EPB41L4A: variants seen among roughly 807,000 people sequenced by gnomAD.
EPB41L4A encodes erythrocyte membrane protein band 4.1 like 4A, also known as band 4.1-like protein 4A.
In EPB41L4A, 100 loss-of-function variants were observed where a neutral mutation model predicts 108.6. The ratio of observed to expected loss-of-function variants is 0.92; its 90% confidence interval spans 0.78 to 1.09. The LOEUF (loss-of-function observed/expected upper bound fraction) is 1.09, where lower values mean the gene tolerates loss of function less well. EPB41L4A is among the 50% of genes least tolerant of loss of function. The pLI is 0.00. For synonymous variants in EPB41L4A, 319 were observed against 289.0 expected (o/e 1.10, Z -1.05); for missense variants, 1,030 against 842.7 (o/e 1.22, Z -2.75).
intron 12 of EPB41L4A, among the ~76,000 whole-genome samples, chr5:112,149,259 T>C (rs1759375952): frequency 6.6e-6 from 1 of 152,146 alleles, no homozygotes; most frequent in Non-Finnish European, 1.5e-5. Context: ...GGAGGATCAT[T>C]TGAGGTCAGG....
chr5:112,301,926 TAAC>T (rs1488414138), intron 2 of EPB41L4A, among the ~76,000 whole-genome samples: 7 of 152,006 alleles, frequency 4.6e-5, no homozygotes, highest in African/African-American at 1.7e-4. Context: ...AAAAATATAA[TAAC>T]ATTTTAGGGA....
At chr5:112,280,192 C>G in intron 3 of EPB41L4A, 80 bp downstream of exon 3, 1 of 1,234,838 alleles carries the variant, frequency 8.1e-7, no homozygotes, top group Non-Finnish European at 1.2e-6. Context: ...GTACTAAAGC[C>G]CACTTCTGCA....
intron 1 of EPB41L4A, among the ~76,000 whole-genome samples, chr5:112,372,475 G>T (rs150299919): frequency 6.6e-6 from 1 of 152,304 alleles, no homozygotes; most frequent in Admixed American, 6.5e-5. Context: ...TGTTACGGAA[G>T]GCTCTGTCTG....
chr5:112,192,355 T>C (rs886756789), intron 17 of EPB41L4A: 1 of 152,212 alleles, frequency 6.6e-6, no homozygotes, highest in Non-Finnish European at 1.5e-5. Flanking sequence ...GCCCACTTTT[T>C]GCTATGCTAC....
At chr5:112,180,183 A>G (rs75395745) in intron 18 of EPB41L4A, among the ~76,000 whole-genome samples, 8,190 of 152,292 alleles carry the variant, frequency 0.054, 257 homozygotes, top group East Asian at 0.096. Context: ...CCTAGTCAAA[A>G]GTCTTTGGGG....
rs759243348 is a variant in EPB41L4A, at chr5:112,165,008, G to A, written c.2043C>T (p.Arg681=). The change falls in exon 23 of 23, where the codon CGC becomes CGT. Residue 681 remains arginine, a synonymous_variant. Transcript: ENST00000261486. The part of the protein sequence containing the change: ...AKTIKTIQAS[R]LKTET Reference sequence around the variant, plus strand: ...ATCAGGATCAAGTCTCTGTCTTGAGGCGGGAAGCTTGTATAGTTTTTATTG... The same window carrying A: ...ATCAGGATCAAGTCTCTGTCTTGAGACGGGAAGCTTGTATAGTTTTTATTG... 1.9e-6 allele frequency: 3 copies of A among 1,613,774 alleles called. No individual in the cohort carries two copies. In the East Asian group the frequency reaches 6.7e-5, roughly 36 times the overall value.
intron 12 of EPB41L4A, among the ~76,000 whole-genome samples, chr5:112,229,683 C>T (rs1054079280): frequency 2.6e-4 from 39 of 152,108 alleles, no homozygotes; most frequent in African/African-American, 8.7e-4. Context: ...TCCTGAGTTA[C>T]TTCACTTAGA....
chr5:112,307,401 G>C lies in EPB41L4A; in HGVS notation c.189C>G (p.Asp63Glu). The change falls in exon 2 of 23, where the codon GAC (aspartate) becomes GAG (glutamate). Residue 63 changes from aspartate (D) to glutamate (E), a missense_variant. Coordinates refer to ENST00000261486, the MANE Select transcript of EPB41L4A (RefSeq NM_022140.5). The part of the protein sequence containing the change: ...EIDYFGLRYC[D>E]RSHQTYWLDP... ...CCTTACTCACCGTCTGATGGCTTCTGTCACAGTAACGTAGCCCAAAATAAT... is the reference window on the plus strand; with the variant it reads ...CCTTACTCACCGTCTGATGGCTTCTCTCACAGTAACGTAGCCCAAAATAAT... 6.2e-7 allele frequency: 1 copy of C among 1,610,580 alleles called. No individual in the cohort carries two copies. The highest frequency in any genetic ancestry group is 1.1e-5 in the South Asian group (1 of 90,892).
chr5:112,253,048 G>A (rs1179660647), intron 9 of EPB41L4A, among the ~76,000 whole-genome samples: 1 of 152,100 alleles, frequency 6.6e-6, no homozygotes, highest in Non-Finnish European at 1.5e-5. Context: ...AAGACGATCA[G>A]GCAAGAATCC....
chr5:112,266,602 C>G (rs1404697957), intron 4 of EPB41L4A, among the ~76,000 whole-genome samples: 1 of 152,212 alleles, frequency 6.6e-6, no homozygotes, highest in Non-Finnish European at 1.5e-5. Flanking sequence ...TAGCCTTAGG[C>G]TGCTGCTTAA....
intron 13 of EPB41L4A, among the ~76,000 whole-genome samples, chr5:112,208,756 G>T (rs375681818): frequency 6.6e-6 from 1 of 152,128 alleles, no homozygotes; most frequent in African/African-American, 2.4e-5. Context: ...TTAAAAGGAG[G>T]ATTGTACTCC....
intron 12 of EPB41L4A, among the ~76,000 whole-genome samples, chr5:112,221,585 G>A (rs552326444): frequency 1.3e-5 from 2 of 152,198 alleles, no homozygotes; most frequent in South Asian, 2.1e-4. Flanking sequence ...TTGGAATTTA[G>A]TAAGTGCTAA....
chr5:112,354,943 A>C (rs1245162896), intron 1 of EPB41L4A, among the ~76,000 whole-genome samples: 2 of 152,202 alleles, frequency 1.3e-5, no homozygotes, highest in Non-Finnish European at 2.9e-5. Flanking sequence ...GTAACTCTGG[A>C]AAGAAGTATT....
At chr5:112,355,589 C>T (rs1232407265) in intron 1 of EPB41L4A, among the ~76,000 whole-genome samples, 3 of 152,150 alleles carry the variant, frequency 2.0e-5, no homozygotes, top group African/African-American at 7.2e-5. Flanking sequence ...TTTGAGACCA[C>T]TAAGAATGTG....
downstream of EPB41L4A, among the ~76,000 whole-genome samples, chr5:112,159,789 A>G (rs1396398807): frequency 1.3e-5 from 2 of 152,212 alleles, no homozygotes; most frequent in African/African-American, 4.8e-5. Context: ...GATTTTTATG[A>G]CTTAGTAGAT....
chr5:112,336,253 G>A (rs1348648631), intron 1 of EPB41L4A, among the ~76,000 whole-genome samples: 1 of 152,164 alleles, frequency 6.6e-6, no homozygotes, highest in African/African-American at 2.4e-5. Context: ...GATGGGGAGG[G>A]GGCAGTGGAA....
chr5:112,205,337 G>A, intron 14 of EPB41L4A, 84 bp downstream of exon 14: 2 of 1,154,016 alleles, frequency 1.7e-6, no homozygotes, highest in South Asian at 2.4e-5. Flanking sequence ...CAGCCACCCA[G>A]CAGCTGGATT....
intron 12 of EPB41L4A, among the ~76,000 whole-genome samples, chr5:112,217,040 G>A (rs1327324532): frequency 6.6e-6 from 1 of 151,896 alleles, no homozygotes; most frequent in African/African-American, 2.4e-5. Context: ...AGTCTCCCAG[G>A]TTCAAGCGAT....
At chr5:112,332,539 C>G (rs974996389) in intron 1 of EPB41L4A, among the ~76,000 whole-genome samples, 3 of 152,184 alleles carry the variant, frequency 2.0e-5, no homozygotes, top group African/African-American at 7.2e-5. Context: ...GAATGACACC[C>G]CAGACTCTCT....
Sources: gnomAD v4.1 joint callset for allele counts (sites outside exome capture counted in the v4.1 genomes callset) on GRCh38, gnomAD v4.1.1 for gene constraint, MANE v1.5 for transcripts, NCBI Gene and HGNC (gene_info 2026-07-23, HGNC 2026-07-21) for gene names.